Variants in ADAM10 observed in about 807,000 individuals in gnomAD.
The protein encoded by ADAM10 is ADAM metallopeptidase domain 10.
In ADAM10, 17 loss-of-function variants were observed where a neutral mutation model predicts 90.1. The ratio of observed to expected loss-of-function variants is 0.19; its 90% CI spans 0.13 to 0.28. The LOEUF is 0.28. ADAM10 is among the 10% of genes least tolerant of loss of function. The pLI is 1.00. For missense variants in ADAM10, 610 were observed against 914.3 expected (o/e 0.67, Z 4.29); for synonymous variants, 310 against 298.6 (o/e 1.04, Z -0.40).
chr15:58,603,106 G>GT (rs1258469494), intron 14 of ADAM10, among the ~76,000 whole-genome samples: 3 of 151,894 alleles, frequency 2.0e-5, no homozygotes, highest in Non-Finnish European at 4.4e-5. Context: ...TTTTTTTTAA[G>GT]TTTTATTTTG....
intron 1 of ADAM10, among the ~76,000 whole-genome samples, chr15:58,741,725 C>A (rs956239939): frequency 8.5e-5 from 13 of 152,130 alleles, no homozygotes; most frequent in African/African-American, 3.1e-4. Context: ...CATGTCATTT[C>A]TTGTTCTATC....
intron 1 of ADAM10, among the ~76,000 whole-genome samples, chr15:58,723,681 G>C (rs1358392796): frequency 6.6e-6 from 1 of 151,880 alleles, no homozygotes; most frequent in Non-Finnish European, 1.5e-5. Flanking sequence ...CTCCAGCCTG[G>C]GCAACAACAG....
intron 1 of ADAM10, among the ~76,000 whole-genome samples, chr15:58,719,971 T>C (rs1898788481): frequency 6.6e-6 from 1 of 152,216 alleles, no homozygotes; most frequent in Non-Finnish European, 1.5e-5. Context: ...CTCCTTTTCT[T>C]CCTTCTCCCA....
rs932796042 is a variant in ADAM10, at chr15:58,659,304, G to T, written c.585+5793C>A. 2.0e-5 allele frequency among the ~76,000 whole-genome samples: 3 copies of T among 152,004 alleles called. No homozygotes were observed. In the East Asian group the frequency reaches 5.8e-4, roughly 29 times the overall value. On this transcript the variant is annotated intron_variant, in intron 5 of 15. Coordinates refer to ENST00000260408, the MANE Select transcript of ADAM10 (RefSeq NM_001110.4). ...GAAAAAAAAAAAGCTTTTATTCCTGGTCTCAAAGGAAAAGGACTTAGTCTC... is the reference window on the plus strand; with the variant it reads ...GAAAAAAAAAAAGCTTTTATTCCTGTTCTCAAAGGAAAAGGACTTAGTCTC...
intron 8 of ADAM10, among the ~76,000 whole-genome samples, chr15:58,634,472 T>C (rs1896195258): frequency 6.6e-6 from 1 of 152,182 alleles, no homozygotes; most frequent in Admixed American, 6.5e-5. Flanking sequence ...TTTTTATCAT[T>C]TTGTACTTCA....
At chr15:58,725,267 A>G (rs1898992592) in intron 1 of ADAM10, among the ~76,000 whole-genome samples, 1 of 151,874 alleles carries the variant, frequency 6.6e-6, no homozygotes, top group East Asian at 1.9e-4. Context: ...ATGGTAGTGC[A>G]TGCCTGCAGT....
intron 1 of ADAM10, among the ~76,000 whole-genome samples, chr15:58,733,676 T>C (rs1240862439): frequency 6.6e-6 from 1 of 152,198 alleles, no homozygotes; most frequent in Non-Finnish European, 1.5e-5. Flanking sequence ...AGGGGATTCA[T>C]GAGCCCCTAA....
At chr15:58,701,820 A>G (rs368952016) in intron 2 of ADAM10, among the ~76,000 whole-genome samples, 4 of 152,242 alleles carry the variant, frequency 2.6e-5, no homozygotes, top group South Asian at 2.1e-4. Flanking sequence ...AATAATAATA[A>G]TAAGGCCCGG....
At chr15:58,721,250 T>A (rs1268302208) in intron 1 of ADAM10, among the ~76,000 whole-genome samples, 1 of 152,190 alleles carries the variant, frequency 6.6e-6, no homozygotes, top group East Asian at 1.9e-4. Flanking sequence ...TGAGTAATGA[T>A]TTTCTGAATC....
chr15:58,618,866 C>T (rs757993821), intron 11 of ADAM10, among the ~76,000 whole-genome samples: 3 of 152,034 alleles, frequency 2.0e-5, no homozygotes, highest in Non-Finnish European at 4.4e-5. Flanking sequence ...AATAAAGATG[C>T]TGGCAAGGAT....
intron 7 of ADAM10, among the ~76,000 whole-genome samples, chr15:58,642,783 T>C (rs1319146381): frequency 6.6e-6 from 1 of 152,240 alleles, no homozygotes; most frequent in African/African-American, 2.4e-5. Context: ...CTTATCACTG[T>C]TACTTGCTCA....
intron 2 of ADAM10, among the ~76,000 whole-genome samples, chr15:58,688,675 A>T (rs969513363): frequency 2.0e-5 from 3 of 149,370 alleles, no homozygotes; most frequent in Non-Finnish European, 4.4e-5. Flanking sequence ...AGGGAAGGGG[A>T]GGGACAGGGA....
chr15:58,656,099 A>C (rs1397612729), intron 5 of ADAM10, among the ~76,000 whole-genome samples: 2 of 151,982 alleles, frequency 1.3e-5, no homozygotes, highest in Admixed American at 6.6e-5. Flanking sequence ...TTTGTCCTGA[A>C]ATCTATTTTG....
intron 1 of ADAM10, among the ~76,000 whole-genome samples, chr15:58,722,700 C>A (rs1376672024): frequency 6.8e-6 from 1 of 146,032 alleles, no homozygotes; most frequent in Non-Finnish European, 1.5e-5. Flanking sequence ...TGGAAACTGA[C>A]ATTGAAAAGG....
intron 2 of ADAM10, chr15:58,693,205 G>A: frequency 3.0e-6 from 2 of 676,630 alleles, no homozygotes; most frequent in Non-Finnish European, 5.5e-6. Flanking sequence ...CATCTTGAAA[G>A]GAAAAGGCTT....
intron 1 of ADAM10, among the ~76,000 whole-genome samples, chr15:58,736,862 T>C (rs1899447543): frequency 6.6e-6 from 1 of 151,974 alleles, no homozygotes; most frequent in Non-Finnish European, 1.5e-5. Flanking sequence ...TCCTAGCACT[T>C]TGGGAAGTCG....
chr15:58,621,262 CAAAAAAAA>C lies in ADAM10; in HGVS notation c.1511+201_1511+208del, dbSNP rs749439192. On this transcript the variant is annotated intron_variant, in intron 11 of 15. Transcript: ENST00000260408. ...TGGGCAACAGAGCGAGACCCTGTCTCAAAAAAAAAAAAAAAAAAAAAAAAAAAAGTAGT... is the reference window on the plus strand; with the variant it reads ...TGGGCAACAGAGCGAGACCCTGTCTCAAAAAAAAAAAAAAAAAAAAGTAGT... 0.16 allele frequency among the ~76,000 whole-genome samples: 4,021 copies of C among 25,182 alleles called. 201 individuals carry two copies. The highest frequency in any genetic ancestry group is 0.34 in the African/African-American group (3,722 of 10,942). The allele number at this position is 25,182 out of a possible 152,430, so 16.5% of individuals were successfully genotyped here.
intron 14 of ADAM10, among the ~76,000 whole-genome samples, chr15:58,606,689 A>G (rs185201523): frequency 2.0e-5 from 3 of 152,352 alleles, no homozygotes; most frequent in Admixed American, 2.0e-4. Context: ...CACATATCAC[A>G]GAGACTGAAA....
Position 58,640,930 on chromosome 15 carries a change from T to C in ADAM10, c.859A>G (p.Thr287Ala), listed in dbSNP as rs199785432. The change falls in exon 8 of 16, where the codon ACA (threonine) becomes GCA (alanine). Residue 287 changes from threonine (T) to alanine (A), a missense_variant. Around this residue, in one of 4 missense-constraint regions of ADAM10, gnomAD observed 310 missense variants for 362.4 expected, o/e 0.86. Coordinates refer to ENST00000260408, the MANE Select transcript of ADAM10 (RefSeq NM_001110.4). Reference protein sequence around the residue: ...INTTADEKDPTNPFRFPNIGV... With the variant: ...INTTADEKDPANPFRFPNIGV... ...ATATTTGGGAAACGGAAAGGATTTG[T>C]AGGGTCCTTCTCATCAGCAGTTGTA... 1.3e-5 allele frequency: 21 copies of C among 1,614,020 alleles called. No homozygotes were observed. The highest frequency in any genetic ancestry group is 1.7e-5 in the Admixed American group (1 of 60,012).
Sources: gnomAD v4.1 joint callset for allele counts (sites outside exome capture counted in the v4.1 genomes callset) on GRCh38, gnomAD v4.1.1 for gene constraint, gnomAD v4.1.1 regional missense constraint, MANE v1.5 for transcripts, NCBI Gene and HGNC (gene_info 2026-07-23, HGNC 2026-07-21) for gene names.